VAT1L: variants seen among roughly 807,000 people sequenced by gnomAD.
VAT1L encodes the protein putative NADPH-dependent quinone oxidoreductase VAT1L.
A neutral mutation model predicts 44.1 loss-of-function variants in VAT1L; 34 were observed. The ratio of observed to expected loss-of-function variants is 0.77; its 90% confidence interval spans 0.59 to 1.03. The LOEUF is 1.03. VAT1L is among the 50% of genes least tolerant of loss of function. The pLI is 0.00. For missense variants in VAT1L, 615 were observed against 538.8 expected, an observed-to-expected ratio of 1.14 and a Z score of -1.40; for synonymous variants, 253 against 202.2, an observed-to-expected ratio of 1.25 and a Z score of -2.13.
rs145442556 is a variant in VAT1L at position 77,956,116 on chromosome 16, G to A, written c.1078-15734G>A. Among the ~76,000 whole-genome samples, 406 of 152,168 alleles carry A rather than the reference G, an allele frequency of 2.7e-3. 2 individuals carry two copies. Among genetic ancestry groups the A allele is most frequent in the African/African-American group, 9.0e-3 (374 of 41,488 alleles). On this transcript the variant is annotated intron_variant, in intron 7 of 8. Coordinates refer to ENST00000302536, the MANE Select transcript of VAT1L (RefSeq NM_020927.3). ...GCAACACAAAGAGATAATGCCTGAG[G>A]GGATGGATACTGCATTCTCCATGAT...
At chr16:77,938,303 G>C (rs1306180058) in intron 7 of VAT1L, among the ~76,000 whole-genome samples, 1 of 152,174 alleles carries the variant, frequency 6.6e-6, no homozygotes, top group African/African-American at 2.4e-5. Context: ...CAACTATTTA[G>C]CTGTCTGTGT....
chr16:77,874,879 A>G (rs1490895897), intron 4 of VAT1L, among the ~76,000 whole-genome samples: 1 of 150,524 alleles, frequency 6.6e-6, no homozygotes, highest in Non-Finnish European at 1.5e-5. Context: ...TCTGGCTCCT[A>G]AGTAACTGGC....
chr16:77,902,038 C>T (rs1463475092), intron 7 of VAT1L, among the ~76,000 whole-genome samples: 7 of 152,174 alleles, frequency 4.6e-5, no homozygotes, highest in Non-Finnish European at 1.0e-4. Flanking sequence ...GCAGTGTTTT[C>T]ACATAATATA....
intron 7 of VAT1L, among the ~76,000 whole-genome samples, chr16:77,944,170 A>G (rs7189161): frequency 0.18 from 26,694 of 152,070 alleles, 2,589 homozygotes; most frequent in East Asian, 0.34. Flanking sequence ...CTCAAGATAC[A>G]CAGGATAGCC....
chr16:77,899,515 C>G (rs1189609319), intron 7 of VAT1L, among the ~76,000 whole-genome samples: 6 of 152,248 alleles, frequency 3.9e-5, no homozygotes, highest in Non-Finnish European at 8.8e-5. Context: ...AAGCTGTAAA[C>G]TGCATGCTGT....
At chr16:77,937,083 A>T (rs1429863738) in intron 7 of VAT1L, among the ~76,000 whole-genome samples, 1 of 152,002 alleles carries the variant, frequency 6.6e-6, no homozygotes, top group East Asian at 1.9e-4. Context: ...GGGGTTCACC[A>T]TGTTGGTCAG....
intron 3 of VAT1L, among the ~76,000 whole-genome samples, chr16:77,828,671 T>C (rs12933147): frequency 6.7e-6 from 1 of 149,582 alleles, no homozygotes; most frequent in Admixed American, 6.7e-5. Flanking sequence ...CTCAAAAAAA[T>C]AAAAAAATAA....
At chr16:77,932,337 C>T (rs934949236) in intron 7 of VAT1L, among the ~76,000 whole-genome samples, 2 of 152,018 alleles carry the variant, frequency 1.3e-5, no homozygotes, top group Admixed American at 6.6e-5. Context: ...CATCTCCTGA[C>T]CTCATGATCC....
intron 7 of VAT1L, among the ~76,000 whole-genome samples, chr16:77,943,733 C>T (rs924405931): frequency 7.9e-5 from 12 of 152,120 alleles, no homozygotes; most frequent in African/African-American, 2.4e-4. Flanking sequence ...CCCTAGCATT[C>T]ACTAGCTGTG....
At chr16:77,811,729 A>G (rs551402264) in intron 1 of VAT1L, among the ~76,000 whole-genome samples, 102 of 152,310 alleles carry the variant, frequency 6.7e-4, no homozygotes, top group Admixed American at 9.8e-4. Context: ...GCACCTAACC[A>G]TCTCTCAGGA....
intron 6 of VAT1L, among the ~76,000 whole-genome samples, chr16:77,880,591 A>ATTTTTTTTTTTT (rs55995217): frequency 5.5e-5 from 3 of 54,262 alleles, no homozygotes; most frequent in African/African-American, 1.5e-4. Flanking sequence ...GTTCCAGGGT[A>ATTTTTTTTTTTT]TTTTTTTTTT....
chr16:77,931,237 A>G (rs2017728110), intron 7 of VAT1L, among the ~76,000 whole-genome samples: 1 of 152,216 alleles, frequency 6.6e-6, no homozygotes, highest in South Asian at 2.1e-4. Flanking sequence ...CTAGCTTTAT[A>G]TAAAATGACG....
At chr16:77,867,246 C>T (rs139350612) in intron 4 of VAT1L, among the ~76,000 whole-genome samples, 1 of 152,114 alleles carries the variant, frequency 6.6e-6, no homozygotes, top group Non-Finnish European at 1.5e-5. Context: ...GGGCGTGAAG[C>T]ATATGTTCAT....
Position 77,979,809 on chromosome 16 carries a change from C to A in VAT1L, c.*2114C>A, listed in dbSNP as rs1252013583. ...CAGAACGAGAAAACTAGAGTTTGAC[C>A]AATAAGACCAATTTCTGCCATGAAG... is the stretch of plus-strand genomic sequence containing the variant. On this transcript the variant is annotated 3_prime_UTR_variant, in exon 9 of 9. Coordinates refer to ENST00000302536, the MANE Select transcript of VAT1L (RefSeq NM_020927.3). 1.3e-5 allele frequency: 2 copies of A among 152,546 alleles called. No individual in the cohort carries two copies. The highest frequency in any genetic ancestry group is 1.9e-4 in the East Asian group (1 of 5,178). The allele number at this position is 152,546 out of a possible 1,614,324, so 9.4% of individuals were successfully genotyped here.
At chr16:77,817,170 T>G (rs774928069) in intron 2 of VAT1L, 120 bp downstream of exon 2, 22 of 1,397,230 alleles carry the variant, frequency 1.6e-5, no homozygotes, top group Middle Eastern at 2.6e-4. Context: ...CATTGTCTTC[T>G]TATTTGGACT....
At chr16:77,844,511 T>A (rs1208725307) in intron 3 of VAT1L, among the ~76,000 whole-genome samples, 1 of 152,064 alleles carries the variant, frequency 6.6e-6, no homozygotes, top group Non-Finnish European at 1.5e-5. Flanking sequence ...CAGGTTCAAG[T>A]GATTCTCCCC....
chr16:77,839,535 C>CTAAAA (rs2016680204), intron 3 of VAT1L, among the ~76,000 whole-genome samples: 1 of 49,072 alleles, frequency 2.0e-5, no homozygotes, highest in Non-Finnish European at 3.3e-5. Context: ...TACTCCATAT[C>CTAAAA]AAAAAAAAAA....
At chr16:77,960,981 A>C (rs866359299) in intron 7 of VAT1L, among the ~76,000 whole-genome samples, 2 of 152,112 alleles carry the variant, frequency 1.3e-5, no homozygotes, top group Non-Finnish European at 1.5e-5. Flanking sequence ...TTCAGCTCCA[A>C]TGGGTTGCAA....
At chr16:77,864,329 A>G (rs2016947578) in intron 4 of VAT1L, among the ~76,000 whole-genome samples, 1 of 152,210 alleles carries the variant, frequency 6.6e-6, no homozygotes, top group African/African-American at 2.4e-5. Context: ...ACAGTGGCTC[A>G]TGCCTATAAT....
Sources: allele counts gnomAD v4.1 joint callset (sites outside exome capture counted in the v4.1 genomes callset), GRCh38; gene constraint gnomAD v4.1.1; transcripts MANE v1.5; gene names NCBI Gene and HGNC (gene_info 2026-07-23, HGNC 2026-07-21).